The following FGFR2 variants were observed in gnomAD, a reference collection of about 807,000 sequenced individuals.
The protein encoded by FGFR2 is BEK fibroblast growth factor receptor.
Under a neutral mutation model 95.9 loss-of-function variants are expected in FGFR2, and 19 were observed. The observed-to-expected ratio is 0.20, with a 90% CI of 0.14 to 0.29. FGFR2 has a LOEUF of 0.29. Ranked by LOEUF, FGFR2 falls within the 10% of genes least tolerant of loss-of-function variation. The probability of loss-of-function intolerance (pLI) is 1.00; values close to 1 mark genes in which losing one functional copy is unlikely to be tolerated. For synonymous variants in FGFR2, 392 were observed against 393.3 expected (o/e 1.00, Z 0.04); for missense variants, 707 against 1,056.9 (o/e 0.67, Z 4.59).
intron 2 of FGFR2, among the ~76,000 whole-genome samples, chr10:121,571,974 T>C (rs990346511): frequency 2.0e-5 from 3 of 151,380 alleles, no homozygotes; most frequent in Non-Finnish European, 4.4e-5. Context: ...AATTGACTGT[T>C]TTGATACTTT....
At chr10:121,519,169 C>A (rs1850147813) in intron 7 of FGFR2, among the ~76,000 whole-genome samples, 1 of 152,176 alleles carries the variant, frequency 6.6e-6, no homozygotes, top group Non-Finnish European at 1.5e-5. Flanking sequence ...TATGGTTCTA[C>A]TGGAAGAATG....
rs1649192 is a variant in FGFR2 at position 121,493,953 on chromosome 10, A to G, written c.1863+2579T>C. 1.9e-3 allele frequency among the ~76,000 whole-genome samples: 294 copies of G among 151,394 alleles called. 2 individuals are homozygous for G. Among genetic ancestry groups the G allele is most frequent in the African/African-American group, 6.2e-3 (255 of 41,204 alleles). On this transcript the variant is annotated intron_variant, in intron 13 of 17. Coordinates refer to ENST00000358487, the MANE Select transcript of FGFR2 (RefSeq NM_000141.5). ...CTTGATCTCTCTTTCTCTCCCTCCT[A>G]TCTAATCAATCCATTCATTATCCCA...
Position 121,574,297 on chromosome 10 carries a change from G to C in FGFR2, c.110-8593C>G, listed in dbSNP as rs554616885. On this transcript the variant is annotated intron_variant, in intron 2 of 17. Transcript: ENST00000358487. The stretch of plus-strand genomic sequence containing the variant: ...TAATACCAGCACTTTGGGAGGCCCA[G>C]GCAGGTGGATCACTTGAGGTCAGGA... 1.9e-3 allele frequency among the ~76,000 whole-genome samples: 285 copies of C among 152,232 alleles called. 1 individual carries two copies. The highest frequency in any genetic ancestry group is 6.2e-3 in the African/African-American group (256 of 41,536).
intron 2 of FGFR2, among the ~76,000 whole-genome samples, chr10:121,566,591 A>C (rs1330622365): frequency 1.3e-5 from 2 of 151,988 alleles, no homozygotes; most frequent in Non-Finnish European, 2.9e-5. Flanking sequence ...GACCCAAATC[A>C]AGCAGGGTCC....
intron 4 of FGFR2, among the ~76,000 whole-genome samples, chr10:121,563,997 T>C (rs1857320930): frequency 1.3e-5 from 2 of 152,200 alleles, no homozygotes; most frequent in African/African-American, 4.8e-5. Context: ...AGATAATTCT[T>C]TGTTATGGGG....
At chr10:121,582,021 C>T (rs1659259280) in intron 2 of FGFR2, among the ~76,000 whole-genome samples, 1 of 151,908 alleles carries the variant, frequency 6.6e-6, no homozygotes, top group South Asian at 2.1e-4. Flanking sequence ...AAACCTCTGC[C>T]TCCCAGGTTC....
chr10:121,576,016 C>T (rs1203406472), intron 2 of FGFR2, among the ~76,000 whole-genome samples: 3 of 151,368 alleles, frequency 2.0e-5, no homozygotes, highest in African/African-American at 4.9e-5. Flanking sequence ...GGAGAAACCC[C>T]GTCTCTACTA....
intron 12 of FGFR2, among the ~76,000 whole-genome samples, chr10:121,497,541 T>G (rs901267331): frequency 6.6e-6 from 1 of 152,244 alleles, no homozygotes; most frequent in African/African-American, 2.4e-5. Flanking sequence ...CACACCACAC[T>G]TTATTTATCC....
rs373904910 is a variant in FGFR2 at position 121,532,107 on chromosome 10, G to C, written c.748+6485C>G. 1.4e-4 allele frequency among the ~76,000 whole-genome samples: 22 copies of C among 152,258 alleles called. No individual in the cohort carries two copies. In the South Asian group the frequency reaches 2.3e-3, roughly 16 times the overall value. On this transcript the variant is annotated intron_variant, in intron 6 of 17. Coordinates refer to ENST00000358487, the MANE Select transcript of FGFR2 (RefSeq NM_000141.5). ...TAGGACACCAAGTCTTACACTCAGA[G>C]CAAGAAATGGAAAAGAATTCACTGG...
At chr10:121,576,808 G>A (rs755111103) in intron 2 of FGFR2, among the ~76,000 whole-genome samples, 11 of 151,834 alleles carry the variant, frequency 7.2e-5, no homozygotes, top group Non-Finnish European at 1.5e-4. Context: ...TCCCTTCTCT[G>A]GTGACTCTTC....
At chr10:121,566,737 C>A (rs529414920) in intron 2 of FGFR2, among the ~76,000 whole-genome samples, 3 of 152,100 alleles carry the variant, frequency 2.0e-5, no homozygotes, top group African/African-American at 4.8e-5. Flanking sequence ...CATCTCCCCA[C>A]GGAGACACCA....
At chr10:121,545,291 G>A (rs1462165452) in intron 5 of FGFR2, among the ~76,000 whole-genome samples, 6 of 152,226 alleles carry the variant, frequency 3.9e-5, no homozygotes, top group African/African-American at 1.4e-4. Context: ...TCATTCAACA[G>A]CAACAGTGTT....
At chr10:121,567,650 GCA>G (rs1392948941) in intron 2 of FGFR2, among the ~76,000 whole-genome samples, 5 of 152,224 alleles carry the variant, frequency 3.3e-5, no homozygotes, top group African/African-American at 1.2e-4. Flanking sequence ...CAAGGTACGG[GCA>G]CACACAGCAG....
chr10:121,561,167 G>C (rs576058807), intron 4 of FGFR2, among the ~76,000 whole-genome samples: 13 of 152,160 alleles, frequency 8.5e-5, no homozygotes, highest in Non-Finnish European at 1.5e-4. Context: ...GCTCACACCT[G>C]TAATCCCAGC....
At chr10:121,507,796 T>C (rs1848517491) in intron 9 of FGFR2, among the ~76,000 whole-genome samples, 1 of 152,192 alleles carries the variant, frequency 6.6e-6, no homozygotes, top group Non-Finnish European at 1.5e-5. Flanking sequence ...AAGACACTTC[T>C]CTCTGGGTAA....
At chr10:121,499,036 G>A (rs928021669) in intron 11 of FGFR2, among the ~76,000 whole-genome samples, 2 of 152,098 alleles carry the variant, frequency 1.3e-5, no homozygotes, top group East Asian at 1.9e-4. Flanking sequence ...CCAGCCCCTC[G>A]AGGCCCTTAG....
chr10:121,565,746 G>A lies in FGFR2; in HGVS notation c.110-42C>T, dbSNP rs752024156. Reference sequence around the variant, plus strand: ...GAGAGAAGACGGAGACAGATGGGAAGGAGGGAGAGGAGAGAACGTCCAACA... The same window carrying A: ...GAGAGAAGACGGAGACAGATGGGAAAGAGGGAGAGGAGAGAACGTCCAACA... On this transcript the variant is annotated intron_variant, in intron 2 of 17. Coordinates refer to ENST00000358487, the MANE Select transcript of FGFR2 (RefSeq NM_000141.5). 23 of 1,612,670 alleles carry A rather than the reference G, an allele frequency of 1.4e-5. No homozygotes were observed. The African/African-American group carries it at 2.8e-4, about 20-fold the overall frequency.
intron 9 of FGFR2, among the ~76,000 whole-genome samples, chr10:121,509,726 A>G (rs1848809359): frequency 6.6e-6 from 1 of 151,658 alleles, no homozygotes. Flanking sequence ...CAGGTGATCC[A>G]CCTACGTCGG....
chr10:121,560,868 AGTT>A (rs1856858237), intron 4 of FGFR2, among the ~76,000 whole-genome samples: 1 of 152,100 alleles, frequency 6.6e-6, no homozygotes. Flanking sequence ...TCAGCCCCAG[AGTT>A]TCTGAGGCAG....
Sources: gnomAD v4.1 joint callset for allele counts (sites outside exome capture counted in the v4.1 genomes callset) on GRCh38, gnomAD v4.1.1 for gene constraint, MANE v1.5 for transcripts, NCBI Gene and HGNC (gene_info 2026-07-23, HGNC 2026-07-21) for gene names.